The following NOVA1 variants were observed in gnomAD, a reference collection of about 807,000 sequenced individuals.
NOVA1 encodes NOVA alternative splicing regulator 1, also known as RNA-binding protein Nova-1.
Under a neutral mutation model 38.0 loss-of-function variants are expected in NOVA1, and 7 were observed. That is an observed-to-expected ratio of 0.18 (90% CI 0.10 to 0.35). The LOEUF (loss-of-function observed/expected upper bound fraction) is 0.35. Among genes scored for constraint, NOVA1 ranks in the 10% least tolerant of loss-of-function variants. NOVA1 has a pLI of 1.00. For synonymous variants in NOVA1, 270 were observed against 232.5 expected (o/e 1.16, Z -1.47); for missense variants, 460 against 616.0 (o/e 0.75, Z 2.68).
At chr14:26,516,643 AT>A (rs1320061459) in intron 2 of NOVA1, among the ~76,000 whole-genome samples, 1 of 152,158 alleles carries the variant, frequency 6.6e-6, no homozygotes, top group African/African-American at 2.4e-5. Flanking sequence ...ATAAGGTAAC[AT>A]TTGGCCTAAA....
intron 3 of NOVA1, among the ~76,000 whole-genome samples, chr14:26,477,218 C>A (rs1243960907): frequency 1.3e-5 from 2 of 152,062 alleles, no homozygotes; most frequent in Non-Finnish European, 2.9e-5. Flanking sequence ...AACAAATTAA[C>A]AAGTGCTATT....
At chr14:26,540,401 C>T (rs190427808) in intron 2 of NOVA1, among the ~76,000 whole-genome samples, 4 of 152,318 alleles carry the variant, frequency 2.6e-5, no homozygotes, top group African/African-American at 9.6e-5. Context: ...AGGGAAAAAT[C>T]GTCTTCCACA....
At chr14:26,499,663 G>C (rs934938277) in intron 2 of NOVA1, among the ~76,000 whole-genome samples, 12 of 152,076 alleles carry the variant, frequency 7.9e-5, no homozygotes, top group African/African-American at 2.9e-4. Flanking sequence ...GGAAGAGAGG[G>C]ACACAACTAA....
At chr14:26,479,221 A>G (rs1292395172) in intron 3 of NOVA1, 2 of 152,060 alleles carry the variant, frequency 1.3e-5, no homozygotes, top group African/African-American at 4.8e-5. Context: ...GGCAGAAACA[A>G]TAATTATGAA....
chr14:26,506,736 C>G (rs965680950), intron 2 of NOVA1, among the ~76,000 whole-genome samples: 3 of 152,004 alleles, frequency 2.0e-5, no homozygotes, highest in African/African-American at 7.2e-5. Flanking sequence ...CCTGCCACCA[C>G]GCCCAGCTAA....
At chr14:26,509,619 C>T (rs1887902933) in intron 2 of NOVA1, among the ~76,000 whole-genome samples, 4 of 152,122 alleles carry the variant, frequency 2.6e-5, no homozygotes, top group Admixed American at 2.6e-4. Flanking sequence ...GATACATTCT[C>T]TAGATGTAAA....
At position 26,486,525 on chromosome 14, in the gene NOVA1, C is replaced by T. The variant is rs982523517; in HGVS notation, c.281-6382G>A. 8.6e-5 allele frequency among the ~76,000 whole-genome samples: 13 copies of T among 151,510 alleles called. No individual in the cohort carries two copies. The East Asian group carries it at 2.0e-3, about 23-fold the overall frequency. On this transcript the variant is annotated intron_variant, in intron 2 of 4. Transcript: ENST00000539517. ...GAGATCAAGACCATCCTGGCTAACA[C>T]GGTGAAACCCCGTCTCCACTAAAAA... is the stretch of plus-strand genomic sequence containing the variant.
At chr14:26,513,829 ACAAATC>A (rs940622398) in intron 2 of NOVA1, among the ~76,000 whole-genome samples, 3 of 151,782 alleles carry the variant, frequency 2.0e-5, no homozygotes, top group African/African-American at 7.2e-5. Context: ...TCTAAAAATT[ACAAATC>A]CAAACAAATT....
chr14:26,574,023 C>CT (rs780944723), intron 2 of NOVA1, among the ~76,000 whole-genome samples: 22,047 of 121,006 alleles, frequency 0.18, 2,705 homozygotes, highest in East Asian at 0.31. Flanking sequence ...AAAGATTACA[C>CT]TTTTTTTTTT....
chr14:26,452,344 T>C (rs2138570432), intron 4 of NOVA1, among the ~76,000 whole-genome samples: 1 of 152,282 alleles, frequency 6.6e-6, no homozygotes, highest in African/African-American at 2.4e-5. Context: ...AGTAGTTTTA[T>C]ATTTACATTT....
chr14:26,510,376 T>C (rs1594433588), intron 2 of NOVA1, among the ~76,000 whole-genome samples: 1 of 152,156 alleles, frequency 6.6e-6, no homozygotes, highest in Admixed American at 6.5e-5. Flanking sequence ...CCAAACATAA[T>C]GTCCTGGGTA....
intron 2 of NOVA1, among the ~76,000 whole-genome samples, chr14:26,582,402 C>T (rs1426329494): frequency 6.6e-6 from 1 of 151,738 alleles, no homozygotes. Flanking sequence ...TCCATGAGAA[C>T]TGGAATATGA....
At chr14:26,577,203 T>G (rs1380138464) in intron 2 of NOVA1, among the ~76,000 whole-genome samples, 1 of 152,104 alleles carries the variant, frequency 6.6e-6, no homozygotes, top group African/African-American at 2.4e-5. Context: ...TTTTTAAGGT[T>G]AAATAACATT....
chr14:26,530,520 AC>A (rs1182860546), intron 2 of NOVA1, among the ~76,000 whole-genome samples: 23 of 152,304 alleles, frequency 1.5e-4, no homozygotes, highest in Non-Finnish European at 1.5e-4. Flanking sequence ...CTGAAAGCAA[AC>A]AGATCAGATC....
At chr14:26,572,083 T>A (rs1343037864) in intron 2 of NOVA1, among the ~76,000 whole-genome samples, 1 of 152,198 alleles carries the variant, frequency 6.6e-6, no homozygotes, top group East Asian at 1.9e-4. Flanking sequence ...TTTGTTTTTG[T>A]TTAATAATCA....
intron 2 of NOVA1, among the ~76,000 whole-genome samples, chr14:26,530,902 G>C (rs1889666596): frequency 2.0e-5 from 3 of 152,076 alleles, no homozygotes; most frequent in Non-Finnish European, 2.9e-5. Context: ...CAATACGAAT[G>C]ACATTAACAA....
At chr14:26,502,953 T>C (rs981050511) in intron 2 of NOVA1, among the ~76,000 whole-genome samples, 1 of 152,060 alleles carries the variant, frequency 6.6e-6, no homozygotes, top group Non-Finnish European at 1.5e-5. Context: ...TTTTTTCTCC[T>C]AATTGAGGAT....
intron 2 of NOVA1, among the ~76,000 whole-genome samples, chr14:26,540,610 A>G (rs937742064): frequency 6.6e-5 from 10 of 152,246 alleles, no homozygotes; most frequent in Non-Finnish European, 1.5e-4. Context: ...TCACATTAGT[A>G]GCAAACCAAG....
intron 4 of NOVA1, among the ~76,000 whole-genome samples, chr14:26,457,925 T>C (rs1259571757): frequency 6.6e-6 from 1 of 151,966 alleles, no homozygotes; most frequent in African/African-American, 2.4e-5. Context: ...TTTTGTGTCT[T>C]AGCTTTTAAT....
Sources: gnomAD v4.1 joint callset for allele counts (sites outside exome capture counted in the v4.1 genomes callset) on GRCh38, gnomAD v4.1.1 for gene constraint, MANE v1.5 for transcripts, NCBI Gene and HGNC (gene_info 2026-07-23, HGNC 2026-07-21) for gene names.